The following ZWILCH variants were observed in gnomAD, a reference collection of about 807,000 sequenced individuals.
The protein encoded by ZWILCH is protein zwilch homolog.
ZWILCH carries 74 observed loss-of-function variants against 79.9 expected under a neutral mutation model. That is an observed-to-expected ratio of 0.93 (90% confidence interval 0.77 to 1.12). The LOEUF (loss-of-function observed/expected upper bound fraction) is 1.12. Among genes scored for constraint, ZWILCH ranks in the 50% most tolerant of loss-of-function variants. The pLI, the probability that ZWILCH is intolerant of heterozygous loss-of-function variation, is 0.00. For synonymous variants in ZWILCH, 241 were observed against 228.2 expected, an observed-to-expected ratio of 1.06 and a Z score of -0.51; for missense variants, 694 against 687.5, an observed-to-expected ratio of 1.01 and a Z score of -0.11.
At chr15:66,507,069 G>T (rs1266319949) in intron 1 of ZWILCH, among the ~76,000 whole-genome samples, 2 of 152,000 alleles carry the variant, frequency 1.3e-5, no homozygotes, top group African/African-American at 2.4e-5. Flanking sequence ...CACCATGTTG[G>T]CCAGGATGGT....
chr15:66,522,140 G>C (rs1234261608), intron 7 of ZWILCH, among the ~76,000 whole-genome samples: 1 of 151,940 alleles, frequency 6.6e-6, no homozygotes, highest in Non-Finnish European at 1.5e-5. Flanking sequence ...AGAGGTTTTA[G>C]TGAGCCAAGA....
intron 12 of ZWILCH, among the ~76,000 whole-genome samples, chr15:66,531,904 TA>T (rs199867399): frequency 0.015 from 2,269 of 152,088 alleles, 59 homozygotes; most frequent in African/African-American, 0.052. Context: ...CCATCTCTAC[TA>T]AAAATATAAA....
At position 66,521,055 on chromosome 15, in the gene ZWILCH, A is replaced by G. The variant is rs923852523; in HGVS notation, c.597A>G (p.Thr199=). The G allele has an allele frequency of 6.2e-7, 1 of 1,614,124 alleles. No individual in the cohort carries two copies. Among genetic ancestry groups the G allele is most frequent in the African/African-American group, 1.3e-5 (1 of 75,058 alleles). The change falls in exon 7 of 19, where the codon ACA becomes ACG. Residue 199 remains threonine, a synonymous_variant. Coordinates refer to ENST00000307897, the MANE Select transcript of ZWILCH (RefSeq NM_017975.5). ...GCTGGGTACACTCTTTTCAGGTAACATCCAAAGGCTTTGCCCAGTATGAGC... is the reference window on the plus strand; with the variant it reads ...GCTGGGTACACTCTTTTCAGGTAACGTCCAAAGGCTTTGCCCAGTATGAGC... ...HKKRHHLSTV[T]SKGFAQYELF...
chr15:66,537,824 CCTT>C (rs1345967576), intron 16 of ZWILCH, among the ~76,000 whole-genome samples: 1 of 152,150 alleles, frequency 6.6e-6, no homozygotes, highest in African/African-American at 2.4e-5. Flanking sequence ...ACCTCTGAAA[CCTT>C]AATCATCTGT....
Position 66,540,184 on chromosome 15 carries a change from T to C in ZWILCH, c.1661T>C (p.Ile554Thr), listed in dbSNP as rs773245805. ...TGGCAACTGAGTGACAGCTCACCCA[T>C]AGACCATCTGAATTTTCACAAACCT... ...TVWQLSDSSP[I>T]DHLNFHKPDF... The change falls in exon 17 of 19, where the codon ATA becomes ACA. Residue 554 changes from isoleucine to threonine, a missense_variant. By Grantham distance (89) the Ile-to-Thr change is moderately conservative. Transcript: ENST00000307897. The C allele has an allele frequency of 7.4e-6, 12 of 1,612,610 alleles. No individual in the cohort carries two copies. The highest frequency in any genetic ancestry group is 1.3e-5 in the African/African-American group (1 of 74,860).
intron 17 of ZWILCH, 122 bp downstream of exon 17, chr15:66,540,332 G>A: frequency 1.5e-6 from 1 of 667,186 alleles, no homozygotes; most frequent in Non-Finnish European, 2.5e-6. Flanking sequence ...TGGGCAGATT[G>A]TGTGAGCTCA....
At chr15:66,527,434 A>G (rs1288119613) in intron 9 of ZWILCH, 51 bp downstream of exon 9, 1 of 1,398,316 alleles carries the variant, frequency 7.2e-7, no homozygotes, top group Non-Finnish European at 1.0e-6. Flanking sequence ...ATGTTTAAAT[A>G]TAAGTTTCTC....
intron 17 of ZWILCH, among the ~76,000 whole-genome samples, chr15:66,541,467 G>C (rs776238450): frequency 6.6e-6 from 1 of 152,106 alleles, no homozygotes; most frequent in East Asian, 1.9e-4. Flanking sequence ...GTAAAAATAG[G>C]TTGTAAGATG....
At chr15:66,521,694 A>G (rs918695717) in intron 7 of ZWILCH, among the ~76,000 whole-genome samples, 16 of 151,458 alleles carry the variant, frequency 1.1e-4, no homozygotes, top group African/African-American at 2.4e-4. Context: ...GAGTCTCCCT[A>G]TGTTTCCCAA....
At chr15:66,524,220 T>A (rs1218901291) in intron 8 of ZWILCH, among the ~76,000 whole-genome samples, 1 of 152,232 alleles carries the variant, frequency 6.6e-6, no homozygotes, top group Non-Finnish European at 1.5e-5. Flanking sequence ...ATAACTGTTG[T>A]CCAAAGTAGT....
chr15:66,509,849 A>AATTATGTGTGTGTGTGGC (rs1567039407), intron 2 of ZWILCH, among the ~76,000 whole-genome samples: 4 of 82,236 alleles, frequency 4.9e-5, no homozygotes, highest in South Asian at 3.7e-4. Context: ...ATATATATAT[A>AATTATGTGTGTGTGTGGC]TATATATATA....
At chr15:66,541,757 T>C (rs1469562896) in intron 17 of ZWILCH, among the ~76,000 whole-genome samples, 2 of 152,210 alleles carry the variant, frequency 1.3e-5, no homozygotes, top group African/African-American at 4.8e-5. Flanking sequence ...TGCCTTCATT[T>C]AAATATGTAA....
At chr15:66,508,746 G>A (rs1187359719) in intron 1 of ZWILCH, 95 bp from the exon 2 acceptor site, 1 of 1,554,994 alleles carries the variant, frequency 6.4e-7, no homozygotes, top group African/African-American at 1.4e-5. Flanking sequence ...TTTCCTATAG[G>A]TGTCCTGCAG....
chr15:66,505,431 G>C (rs1418927916), intron 1 of ZWILCH, 40 bp downstream of exon 1: 2 of 1,609,762 alleles, frequency 1.2e-6, no homozygotes, highest in Non-Finnish European at 1.7e-6. Context: ...TCCTGGGACA[G>C]CACTTCTTTC....
chr15:66,533,839 G>A (rs961260188), intron 14 of ZWILCH, among the ~76,000 whole-genome samples: 2 of 151,978 alleles, frequency 1.3e-5, no homozygotes, highest in Non-Finnish European at 1.5e-5. Context: ...AAAAAAATAC[G>A]CTGGGCACAG....
intron 17 of ZWILCH, 151 bp from the exon 18 acceptor site, chr15:66,546,440 T>C: frequency 2.6e-6 from 1 of 379,800 alleles, no homozygotes; most frequent in Non-Finnish European, 4.8e-6. Flanking sequence ...GTGTCCTTAC[T>C]GAATTTTTCC....
rs1217215661 is a variant in ZWILCH, at chr15:66,532,313, A to G, written c.1222A>G (p.Thr408Ala). The change falls in exon 13 of 19, where the codon ACA (threonine) becomes GCA (alanine). Residue 408 changes from threonine (T) to alanine (A), a missense_variant. Transcript: ENST00000307897. Reference protein sequence around the residue: ...IHQSYHGTMDTVSLSGTIPVQ... With the variant: ...IHQSYHGTMDAVSLSGTIPVQ... ...TCAGTCTTATCATGGAACCATGGAC[A>G]CAGTTTCTCTCAGTGGGACTATTCC... 3 of 1,612,700 alleles carry G rather than the reference A, an allele frequency of 1.9e-6. No homozygotes were observed. Among genetic ancestry groups the G allele is most frequent in the Admixed American group, 3.3e-5 (2 of 59,868 alleles).
intron 15 of ZWILCH, among the ~76,000 whole-genome samples, chr15:66,536,363 A>G (rs753043253): frequency 1.3e-5 from 2 of 152,216 alleles, no homozygotes; most frequent in Admixed American, 6.5e-5. Flanking sequence ...CGTAAATACT[A>G]GTTCCTTCTC....
Position 66,515,954 on chromosome 15 carries a change from A to C in ZWILCH, c.320+310A>C, listed in dbSNP as rs149004771. On this transcript the variant is annotated intron_variant, in intron 4 of 18. Coordinates refer to ENST00000307897, the MANE Select transcript of ZWILCH (RefSeq NM_017975.5). ...TTCTTCCTCAAATGAAAGCCTGACC[A>C]AGCTTCTTTCCTGCTTAAAATCCTT... is the stretch of plus-strand genomic sequence containing the variant. Among the ~76,000 whole-genome samples the C allele has an allele frequency of 2.9e-3, 448 of 152,274 alleles. 1 individual carries two copies. The highest frequency in any genetic ancestry group is 0.01 in the African/African-American group (417 of 41,540).
Sources: gnomAD v4.1 joint callset for allele counts (sites outside exome capture counted in the v4.1 genomes callset) on GRCh38, gnomAD v4.1.1 for gene constraint, MANE v1.5 for transcripts, NCBI Gene and HGNC (gene_info 2026-07-23, HGNC 2026-07-21) for gene names.